Variants in RIMS2 observed in about 807,000 individuals in gnomAD.
RIMS2 encodes regulating synaptic membrane exocytosis protein 2.
In RIMS2, 59 loss-of-function variants were observed where a neutral mutation model predicts 174.4. The ratio of observed to expected loss-of-function variants is 0.34; its 90% CI spans 0.27 to 0.42. RIMS2 has a LOEUF of 0.42. RIMS2 is among the 10% of genes least tolerant of loss of function. The pLI, the probability that RIMS2 is intolerant of heterozygous loss-of-function variation, is 1.00. For missense variants in RIMS2, 1,620 were observed against 1,666.3 expected (o/e 0.97, Z 0.48); for synonymous variants, 606 against 572.5 (o/e 1.06, Z -0.84).
At chr8:104,180,887 A>C (rs2098935871) in intron 19 of RIMS2, among the ~76,000 whole-genome samples, 1 of 151,750 alleles carries the variant, frequency 6.6e-6, no homozygotes, top group African/African-American at 2.4e-5. Flanking sequence ...GTAGCTTTCT[A>C]ATTCTTCTCA....
At chr8:103,676,298 G>A (rs970041559) in intron 1 of RIMS2, among the ~76,000 whole-genome samples, 14 of 152,214 alleles carry the variant, frequency 9.2e-5, no homozygotes, top group African/African-American at 2.9e-4. Context: ...TTCAATAGGT[G>A]GTCTTTTAAA....
rs923875292 is a variant in RIMS2, at chr8:104,035,507, G to GT, written c.3334+20903dup. On this transcript the variant is annotated intron_variant, in intron 19 of 23. Transcript: ENST00000504942. ...GAATATATAAGTATAGTGTAGGTAG[G>GT]TTTTTTTTTTTACTTAATTTTACCT... Among the ~76,000 whole-genome samples the GT allele has an allele frequency of 1.6e-3, 226 of 143,966 alleles. 2 individuals carry two copies. Among genetic ancestry groups the GT allele is most frequent in the African/African-American group, 3.8e-3 (152 of 39,624 alleles). 94.4% of individuals were successfully genotyped at this position (143,966 alleles called of 152,430 possible).
At chr8:103,983,479 A>C (rs2094090332) in intron 16 of RIMS2, among the ~76,000 whole-genome samples, 1 of 152,210 alleles carries the variant, frequency 6.6e-6, no homozygotes, top group Admixed American at 6.5e-5. Context: ...AAGGAATCAC[A>C]TTGCCTTTCT....
intron 1 of RIMS2, among the ~76,000 whole-genome samples, chr8:103,585,393 A>G (rs367994719): frequency 1.3e-5 from 2 of 149,024 alleles, no homozygotes; most frequent in South Asian, 2.1e-4. Context: ...TATATACCCA[A>G]AGGATTAGAA....
chr8:103,851,541 T>C (rs1053500699), intron 3 of RIMS2, among the ~76,000 whole-genome samples: 5 of 151,792 alleles, frequency 3.3e-5, no homozygotes, highest in African/African-American at 1.2e-4. Context: ...TTCCTTGTCT[T>C]TATGTACTGA....
exon 18 of RIMS2, chr8:104,013,597 C>T (rs1239061922): frequency 1.2e-6 from 2 of 1,613,532 alleles, no homozygotes; most frequent in Non-Finnish European, 1.7e-6. Flanking sequence ...GGAAGATCTG[C>T]CCCTCCTTCA....
exon 13 of RIMS2, chr8:103,936,589 C>T (rs1297862319): frequency 6.3e-7 from 1 of 1,597,866 alleles, no homozygotes; most frequent in East Asian, 2.3e-5. Flanking sequence ...GTAAAGAAAA[C>T]ATTGGAACCC....
intron 19 of RIMS2, among the ~76,000 whole-genome samples, chr8:104,237,954 T>A (rs140167783): frequency 4.6e-5 from 7 of 152,246 alleles, no homozygotes; most frequent in East Asian, 1.9e-4. Flanking sequence ...TAAATAAACA[T>A]CTTTCATATC....
intron 3 of RIMS2, among the ~76,000 whole-genome samples, chr8:103,789,333 A>G (rs536450141): frequency 1.2e-4 from 18 of 152,088 alleles, no homozygotes; most frequent in Non-Finnish European, 2.4e-4. Flanking sequence ...GAGGGTGTCT[A>G]TGCTGTTTGG....
intron 19 of RIMS2, among the ~76,000 whole-genome samples, chr8:104,150,030 G>T (rs1364855355): frequency 1.3e-5 from 2 of 152,054 alleles, no homozygotes; most frequent in African/African-American, 4.8e-5. Context: ...ATATTTTAAT[G>T]ATTTTTAAAA....
intron 1 of RIMS2, among the ~76,000 whole-genome samples, chr8:103,565,310 GT>G (rs34784500): frequency 0.12 from 17,475 of 146,766 alleles, 1,329 homozygotes; most frequent in Non-Finnish European, 0.17. Context: ...GCTGTTTAAT[GT>G]TTTTTTTTTT....
At chr8:103,956,990 CAT>C (rs1181109721) in intron 14 of RIMS2, among the ~76,000 whole-genome samples, 1 of 152,044 alleles carries the variant, frequency 6.6e-6, no homozygotes, top group Non-Finnish European at 1.5e-5. Flanking sequence ...GGCCAACAAA[CAT>C]ATAAAAAAAC....
At chr8:104,092,653 C>CAACTGATCTGCTCAAATT (rs1474479637) in intron 19 of RIMS2, among the ~76,000 whole-genome samples, 1 of 151,790 alleles carries the variant, frequency 6.6e-6, no homozygotes, top group Non-Finnish European at 1.5e-5. Context: ...CAAATTTACT[C>CAACTGATCTGCTCAAATT]AACTAGTGAG....
intron 3 of RIMS2, among the ~76,000 whole-genome samples, chr8:103,821,679 T>C (rs2098752689): frequency 6.6e-6 from 1 of 151,630 alleles, no homozygotes; most frequent in African/African-American, 2.4e-5. Context: ...GATACAAGGG[T>C]CTTTTAAACC....
chr8:103,664,869 A>G (rs1179905840), intron 1 of RIMS2, among the ~76,000 whole-genome samples: 2 of 152,220 alleles, frequency 1.3e-5, no homozygotes, highest in African/African-American at 4.8e-5. Flanking sequence ...AAGACTTGGA[A>G]CCAACCCAAA....
At chr8:104,101,211 C>A (rs761171775) in intron 19 of RIMS2, among the ~76,000 whole-genome samples, 1 of 150,822 alleles carries the variant, frequency 6.6e-6, no homozygotes, top group Non-Finnish European at 1.5e-5. Context: ...GCTGCAACTT[C>A]CGTCACCCGG....
chr8:103,568,989 T>G, intron 1 of RIMS2: 1 of 524,586 alleles, frequency 1.9e-6, no homozygotes, highest in Non-Finnish European at 3.4e-6. Context: ...ACCGTGTTCC[T>G]ATCGCTCTTT....
rs534861833 is a variant in RIMS2, at chr8:103,765,998, T to C, written c.388-229T>C. The stretch of plus-strand genomic sequence containing the variant: ...ATGAACAATCAGCAATTTAGGACTC[T>C]AGTTTGCTATCTCTGTGGTCAATAA... On this transcript the variant is annotated intron_variant, in intron 2 of 23. Coordinates refer to ENST00000504942, the Ensembl canonical transcript of RIMS2. Among the ~76,000 whole-genome samples the C allele has an allele frequency of 4.6e-5, 7 of 152,286 alleles. 1 individual carries two copies. The East Asian group carries it at 1.3e-3, about 29-fold the overall frequency.
chr8:104,249,980 A>AT (rs1344227618), intron 22 of RIMS2, among the ~76,000 whole-genome samples: 3 of 152,240 alleles, frequency 2.0e-5, no homozygotes, highest in African/African-American at 4.8e-5. Context: ...TGGAATTAGA[A>AT]TAAAAAATAG....
Sources: gnomAD v4.1 joint callset for allele counts (sites outside exome capture counted in the v4.1 genomes callset) on GRCh38, gnomAD v4.1.1 for gene constraint, MANE v1.5 for transcripts, NCBI Gene and HGNC (gene_info 2026-07-23, HGNC 2026-07-21) for gene names.